EVL: variants seen among roughly 807,000 people sequenced by gnomAD.
The protein encoded by EVL is Enah/Vasp-like.
In EVL, 21 loss-of-function variants were observed where a neutral mutation model predicts 59.6. The ratio of observed to expected loss-of-function variants is 0.35; its 90% CI spans 0.25 to 0.51. The LOEUF is 0.51. Ranked by LOEUF, EVL falls within the 20% of genes least tolerant of loss-of-function variation. The pLI is 0.97. For synonymous variants in EVL, 198 were observed against 203.5 expected (o/e 0.97, Z 0.23); for missense variants, 462 against 546.6 (o/e 0.85, Z 1.54).
chr14:100,129,414 A>G (rs1215859749), intron 6 of EVL, 149 bp from the exon 7 acceptor site: 2 of 1,139,854 alleles, frequency 1.8e-6, no homozygotes, highest in Non-Finnish European at 2.5e-6. Flanking sequence ...GGGGTTGGAG[A>G]ATAATGGACC....
chr14:100,107,488 A>C (rs1886645567), intron 3 of EVL: 1 of 394,392 alleles, frequency 2.5e-6, no homozygotes. Context: ...TGCAGGCCAC[A>C]GGACAAGTCT....
chr14:100,059,372 A>G (rs544997586), intron 1 of EVL, among the ~76,000 whole-genome samples: 89 of 152,362 alleles, frequency 5.8e-4, no homozygotes, highest in African/African-American at 2.1e-3. Context: ...CTCAGTGGGC[A>G]GAAATTAGAA....
chr14:100,060,783 T>C (rs1327703143), upstream of EVL, among the ~76,000 whole-genome samples: 1 of 151,704 alleles, frequency 6.6e-6, no homozygotes, highest in East Asian at 1.9e-4. Context: ...CCTAGCAAAA[T>C]GAATGCAAAA....
intron 1 of EVL, among the ~76,000 whole-genome samples, chr14:100,010,627 C>T (rs1211344216): frequency 6.6e-6 from 1 of 152,164 alleles, no homozygotes; most frequent in Non-Finnish European, 1.5e-5. Flanking sequence ...AAACTCCTGA[C>T]CTCAGGTGAT....
At chr14:100,006,398 C>T (rs1242763539) in intron 1 of EVL, among the ~76,000 whole-genome samples, 8 of 151,410 alleles carry the variant, frequency 5.3e-5, no homozygotes, top group South Asian at 2.1e-4. Context: ...AATTCTCCTG[C>T]GTCAGCTTCC....
intron 3 of EVL, among the ~76,000 whole-genome samples, chr14:100,120,039 C>G (rs1217342303): frequency 2.6e-5 from 4 of 152,190 alleles, no homozygotes; most frequent in Non-Finnish European, 2.9e-5. Flanking sequence ...AAACTCACAG[C>G]CCTGAGAAAA....
At chr14:99,979,302 C>T (rs985422559) in intron 1 of EVL, among the ~76,000 whole-genome samples, 12 of 151,904 alleles carry the variant, frequency 7.9e-5, no homozygotes, top group Non-Finnish European at 7.4e-5. Context: ...CTTATATATT[C>T]GAGTCATTTA....
intron 1 of EVL, among the ~76,000 whole-genome samples, chr14:100,078,609 C>T (rs939416105): frequency 6.6e-6 from 1 of 151,934 alleles, no homozygotes; most frequent in Non-Finnish European, 1.5e-5. Flanking sequence ...ATGGAGAGAG[C>T]AAGTGACAAG....
chr14:100,097,318 AT>A (rs1885883536), intron 2 of EVL, among the ~76,000 whole-genome samples, 162 bp from the exon 3 acceptor site: 1 of 151,906 alleles, frequency 6.6e-6, no homozygotes. Flanking sequence ...TGTTCTATAG[AT>A]TATGGTCTGA....
intron 1 of EVL, among the ~76,000 whole-genome samples, chr14:100,032,908 C>CA (rs1434635615): frequency 6.6e-6 from 1 of 152,164 alleles, no homozygotes; most frequent in African/African-American, 2.4e-5. Flanking sequence ...GGCTTCTCAG[C>CA]ACTCTTTGTT....
chr14:100,106,548 A>G (rs9671991), intron 3 of EVL: 4,316 of 249,464 alleles, frequency 0.017, 186 homozygotes, highest in African/African-American at 0.089. Flanking sequence ...TGTAATGCAC[A>G]TTTTATTATA....
At chr14:100,083,893 C>G (rs766054257) in intron 1 of EVL, among the ~76,000 whole-genome samples, 4 of 152,092 alleles carry the variant, frequency 2.6e-5, no homozygotes, top group Non-Finnish European at 5.9e-5. Context: ...TTGGAAATCC[C>G]CAGTGTAATC....
intron 2 of EVL, among the ~76,000 whole-genome samples, chr14:100,089,776 T>C (rs968492086): frequency 6.6e-6 from 1 of 152,080 alleles, no homozygotes. Flanking sequence ...CAACAAAAAA[T>C]TTTTTAATTA....
intron 1 of EVL, among the ~76,000 whole-genome samples, chr14:99,988,709 C>A (rs947933312): frequency 6.6e-6 from 1 of 152,132 alleles, no homozygotes; most frequent in African/African-American, 2.4e-5. Context: ...AATGGATAAA[C>A]AAAATGTGGT....
At chr14:100,054,989 G>A (rs1200177571) in intron 1 of EVL, among the ~76,000 whole-genome samples, 4 of 152,064 alleles carry the variant, frequency 2.6e-5, no homozygotes, top group African/African-American at 7.2e-5. Flanking sequence ...ATCACCTGAG[G>A]TCAGGAGTCA....
intron 1 of EVL, among the ~76,000 whole-genome samples, chr14:100,081,513 CAAAAA>C (rs34871876): frequency 7.4e-5 from 9 of 122,386 alleles, no homozygotes; most frequent in African/African-American, 1.2e-4. Context: ...TTAACAACAG[CAAAAA>C]AAAAAAAAAA....
chr14:99,993,554 A>G (rs1291311633), intron 1 of EVL, among the ~76,000 whole-genome samples: 2 of 151,994 alleles, frequency 1.3e-5, no homozygotes, highest in Non-Finnish European at 2.9e-5. Flanking sequence ...GAGTTTGAGG[A>G]TTGATGTTAA....
intron 1 of EVL, among the ~76,000 whole-genome samples, chr14:100,012,454 T>C (rs2061022680): frequency 6.6e-6 from 1 of 152,252 alleles, no homozygotes; most frequent in Non-Finnish European, 1.5e-5. Flanking sequence ...AAATACCTTC[T>C]TAATTAGCAA....
At chr14:100,028,134 G>GTTTGTTTT (rs1406304631) in intron 1 of EVL, among the ~76,000 whole-genome samples, 1 of 118,734 alleles carries the variant, frequency 8.4e-6, no homozygotes, top group Non-Finnish European at 1.7e-5. Flanking sequence ...TTGTTTGTTT[G>GTTTGTTTT]TTTTTTTTTT....
Sources: allele counts gnomAD v4.1 joint callset (sites outside exome capture counted in the v4.1 genomes callset), GRCh38; gene constraint gnomAD v4.1.1; transcripts MANE v1.5; gene names NCBI Gene and HGNC (gene_info 2026-07-23, HGNC 2026-07-21).